The following COL4A6 variants were observed in gnomAD, a reference collection of about 807,000 sequenced individuals.
COL4A6 encodes the protein collagen type IV alpha 6 chain.
In COL4A6, 59 loss-of-function variants were observed where a neutral mutation model predicts 126.7. That is an observed-to-expected ratio of 0.47 (90% CI 0.38 to 0.58). COL4A6 has a LOEUF of 0.58. Among genes scored for constraint, COL4A6 ranks in the 20% least tolerant of loss-of-function variants. COL4A6 has a pLI of 0.00. For synonymous variants in COL4A6, 547 were observed against 496.6 expected (o/e 1.10, Z -1.35); for missense variants, 1,285 against 1,337.3 (o/e 0.96, Z 0.61).
chrX:108,160,378 A>G, intron 43 of COL4A6, 85 bp downstream of exon 43: 1 of 960,639 alleles, frequency 1.0e-6, no homozygotes, highest in South Asian at 2.3e-5. Context: ...CAGTGGACCT[A>G]GAAAGGGCTG....
chrX:108,166,668 G>A (rs1030055396), intron 37 of COL4A6, among the ~76,000 whole-genome samples: 1 of 111,366 alleles, frequency 9.0e-6, no homozygotes, highest in African/African-American at 3.3e-5. Context: ...TTTGAGAAAA[G>A]TCTCTCTAGG....
At chrX:108,237,737 A>T (rs1247770825) in intron 3 of COL4A6, among the ~76,000 whole-genome samples, 1 of 111,156 alleles carries the variant, frequency 9.0e-6, no homozygotes, top group African/African-American at 3.3e-5. Flanking sequence ...CTTTTCCTTC[A>T]TCCACATCCC....
chrX:108,279,802 C>A (rs1213979467), intron 3 of COL4A6, among the ~76,000 whole-genome samples: 1 of 111,768 alleles, frequency 8.9e-6, no homozygotes, highest in African/African-American at 3.3e-5. Flanking sequence ...TCTCTCAGAC[C>A]ACAGTGCAAT....
chrX:108,438,474 C>T, upstream of COL4A6: 1 of 994,305 alleles, frequency 1.0e-6, no homozygotes, highest in Non-Finnish European at 1.3e-6. Context: ...GCGGGGCTGT[C>T]TGCTGTCAAT....
chrX:108,434,720 A>ATAGTAATCATACTGT (rs1469793499), intron 2 of COL4A6, among the ~76,000 whole-genome samples: 3 of 108,479 alleles, frequency 2.8e-5, no homozygotes, highest in African/African-American at 1.0e-4. Flanking sequence ...TGATTTACTT[A>ATAGTAATCATACTGT]ATAGTGTACT....
At position 108,278,749 on chromosome X, in the gene COL4A6, C is replaced by T. The variant is rs1434011871; in HGVS notation, c.144+31999G>A. Among the ~76,000 whole-genome samples, 6 of 109,329 alleles carry T rather than the reference C, an allele frequency of 5.5e-5. No homozygotes were observed. The East Asian group carries it at 1.1e-3, about 21-fold the overall frequency. The allele number at this position is 109,329 out of a possible 115,157, so 94.9% of individuals were successfully genotyped here. A position where few individuals can be genotyped will look rare whatever the true frequency, so the allele number is the denominator to read the frequency against. On this transcript the variant is annotated intron_variant, in intron 3 of 44. Transcript: ENST00000334504. Reference sequence around the variant, plus strand: ...GTTAAGGGCAGCCAGAGAGAAAGGTCGGGTTACCCACAAAGGGAAGCCCAT... The same window carrying T: ...GTTAAGGGCAGCCAGAGAGAAAGGTTGGGTTACCCACAAAGGGAAGCCCAT...
chrX:108,369,172 C>T (rs192584186), intron 2 of COL4A6, among the ~76,000 whole-genome samples: 1 of 111,466 alleles, frequency 9.0e-6, no homozygotes, highest in African/African-American at 3.3e-5. Context: ...AGAATGTGTT[C>T]TGCTATGATG....
chrX:108,317,760 G>A (rs1239325284), intron 2 of COL4A6, among the ~76,000 whole-genome samples: 1 of 111,335 alleles, frequency 9.0e-6, no homozygotes, highest in Non-Finnish European at 1.9e-5. Context: ...TTATTTCTGA[G>A]GGCTCCGTTC....
chrX:108,155,936 G>GT lies in COL4A6; in HGVS notation c.*1063dup, dbSNP rs1253620518. The GT allele has an allele frequency of 2.7e-5, 3 of 111,709 alleles. No homozygotes were observed. Among genetic ancestry groups the GT allele is most frequent in the Non-Finnish European group, 3.8e-5 (2 of 53,154 alleles). 9.2% of individuals were successfully genotyped at this position (111,709 alleles called of 1,213,427 possible). A position where few individuals can be genotyped will look rare whatever the true frequency, so the allele number is the denominator to read the frequency against. On this transcript the variant is annotated 3_prime_UTR_variant, in exon 45 of 45. Transcript: ENST00000334504. ...GAAGAGTGTGCTAGATTTTTATGAG[G>GT]TTTAAAAAAACATATTAAAATAGTT... is the stretch of plus-strand genomic sequence containing the variant.
Position 108,429,644 on chromosome X carries a change from T to C in COL4A6, c.63+8298A>G, listed in dbSNP as rs2147388529. 1.8e-5 allele frequency among the ~76,000 whole-genome samples: 2 copies of C among 111,620 alleles called. 1 individual carries two copies. The highest frequency in any genetic ancestry group is 1.9e-4 in the Admixed American group (2 of 10,515). On this transcript the variant is annotated intron_variant, in intron 2 of 44. Transcript: ENST00000334504. Reference sequence around the variant, plus strand: ...CTGTACTATTTTTTACAACTGCATGTGAATCTACAATTATCTCAATAAAAA... The same window carrying C: ...CTGTACTATTTTTTACAACTGCATGCGAATCTACAATTATCTCAATAAAAA...
rs2035091540 is a variant in COL4A6 at position 108,192,775 on chromosome X, G to A, written c.1073-195C>T. ...AAGGGGCCTTCTGGAGCCAAAATTA[G>A]TGTACTAAGAATTGTTCTGGCCAAG... On this transcript the variant is annotated intron_variant, in intron 17 of 44. Transcript: ENST00000334504. Among the ~76,000 whole-genome samples, 3 of 112,530 alleles carry A rather than the reference G, an allele frequency of 2.7e-5. No homozygotes were observed. In the South Asian group the frequency reaches 1.1e-3, roughly 42 times the overall value.
chrX:108,248,250 G>A (rs1207937478), intron 3 of COL4A6, among the ~76,000 whole-genome samples: 1 of 111,435 alleles, frequency 9.0e-6, no homozygotes, highest in African/African-American at 3.3e-5. Flanking sequence ...TACATATATT[G>A]AGGGTGTGCT....
chrX:108,398,562 G>C (rs1343547313), intron 2 of COL4A6, among the ~76,000 whole-genome samples: 1 of 111,077 alleles, frequency 9.0e-6, no homozygotes, highest in Non-Finnish European at 1.9e-5. Flanking sequence ...TAGTTATACA[G>C]TTCTATTCAT....
chrX:108,313,435 C>T (rs2038808486), intron 2 of COL4A6, among the ~76,000 whole-genome samples: 2 of 111,475 alleles, frequency 1.8e-5, no homozygotes, highest in African/African-American at 6.5e-5. Flanking sequence ...ATTACTCTCC[C>T]TTGCTATCCT....
At chrX:108,304,981 A>C (rs1333974301) in intron 3 of COL4A6, among the ~76,000 whole-genome samples, 2 of 112,260 alleles carry the variant, frequency 1.8e-5, no homozygotes, top group South Asian at 7.4e-4. Context: ...TCAGTTGGTC[A>C]GTCTTTCATG....
chrX:108,416,508 G>A (rs2041438254), intron 2 of COL4A6, among the ~76,000 whole-genome samples: 1 of 112,074 alleles, frequency 8.9e-6, no homozygotes, highest in Non-Finnish European at 1.9e-5. Context: ...TCCTAGACAT[G>A]TATGGAATTT....
At position 108,176,991 on chromosome X, in the gene COL4A6, T is replaced by C. The variant is rs771791534; in HGVS notation, c.2536A>G (p.Thr846Ala). 5 of 1,209,521 alleles carry C rather than the reference T, an allele frequency of 4.1e-6. No individual in the cohort carries two copies. In the African/African-American group the frequency reaches 7.0e-5, roughly 17 times the overall value. ...GISGHPGKKGTRGKKGPPGSI... is the reference protein window; with the variant it reads ...GISGHPGKKGARGKKGPPGSI... ...CCAGGAGGACCTTTCTTGCCTCTTG[T>C]TCCTTTCTTTCCAGGATGTCCTGAA... Residue 846 changes from threonine to alanine, a missense_variant, in exon 28 of 45, where the codon ACA (threonine) becomes GCA (alanine). Physicochemically the swap from Thr to Ala is moderately conservative, Grantham distance 58. Transcript: ENST00000334504.
At chrX:108,261,621 G>A (rs2037164112) in intron 3 of COL4A6, among the ~76,000 whole-genome samples, 1 of 111,210 alleles carries the variant, frequency 9.0e-6, no homozygotes, top group African/African-American at 3.3e-5. Flanking sequence ...CCTCTCACCA[G>A]TATCAGTAGC....
chrX:108,336,752 A>G (rs1374064564), intron 2 of COL4A6, among the ~76,000 whole-genome samples: 1 of 111,463 alleles, frequency 9.0e-6, no homozygotes, highest in Non-Finnish European at 1.9e-5. Flanking sequence ...TAAAGCATGT[A>G]TGCATGTCTC....
Sources: gnomAD v4.1 joint callset for allele counts (sites outside exome capture counted in the v4.1 genomes callset) on GRCh38, gnomAD v4.1.1 for gene constraint, MANE v1.5 for transcripts, NCBI Gene and HGNC (gene_info 2026-07-23, HGNC 2026-07-21) for gene names.